NAV2: variants seen among roughly 807,000 people sequenced by gnomAD.
NAV2 encodes helicase, APC down-regulated 1.
In NAV2, 54 loss-of-function variants were observed where a neutral mutation model predicts 223.2. The ratio of observed to expected loss-of-function variants is 0.24; its 90% CI spans 0.19 to 0.30. The LOEUF (loss-of-function observed/expected upper bound fraction) is 0.30. Among genes scored for constraint, NAV2 ranks in the 10% least tolerant of loss-of-function variants. The pLI is 1.00. For synonymous variants in NAV2, 1,279 were observed against 1,239.3 expected, an observed-to-expected ratio of 1.03 and a Z score of -0.67; for missense variants, 2,806 against 3,147.5, an observed-to-expected ratio of 0.89 and a Z score of 2.60.
At chr11:19,884,771 T>A (rs1196785715) in intron 5 of NAV2, among the ~76,000 whole-genome samples, 1 of 122,800 alleles carries the variant, frequency 8.1e-6, no homozygotes, top group East Asian at 2.0e-4. Flanking sequence ...TTTATGTGTC[T>A]TGTGCTTTGT....
rs145272202 is a variant in NAV2, at chr11:20,114,759, G to A, written c.7128G>A (p.Lys2376=). Residue 2376 remains lysine, a synonymous_variant, in exon 37 of 38, where the codon AAG becomes AAA. Coordinates refer to ENST00000349880, the MANE Select transcript of NAV2 (RefSeq NM_145117.5). ...YSMPREGSTS[K]QMPPSDAEGD... Reference sequence around the variant, plus strand: ...TGCCTCGGGAGGGATCGACAAGCAAGCAGATGCCCCCCAGTGATGCTGAAG... The same window carrying A: ...TGCCTCGGGAGGGATCGACAAGCAAACAGATGCCCCCCAGTGATGCTGAAG... 4.3e-5 allele frequency: 69 copies of A among 1,613,980 alleles called. No individual in the cohort carries two copies. The Admixed American group carries it at 7.7e-4, about 18-fold the overall frequency.
In NAV2 at chr11:20,103,326, C is replaced by T. The variant is rs201115556; in HGVS notation, c.6489C>T (p.Leu2163=). Residue 2163 remains leucine (L), a synonymous_variant, in exon 33 of 38, where the codon CTC becomes CTT. Transcript: ENST00000349880. ...AGAACAATGCTGTGGACATGCCCCT[C>T]GTCATCATCCTGGACAACCTACACC... The part of the protein sequence containing the change: ...NSENNAVDMP[L]VIILDNLHHV... The T allele has an allele frequency of 1.3e-5, 21 of 1,614,074 alleles. No individual in the cohort carries two copies. The highest frequency in any genetic ancestry group is 1.7e-5 in the Admixed American group (1 of 60,010).
intron 26 of NAV2, among the ~76,000 whole-genome samples, chr11:20,085,033 A>C (rs2060336487): frequency 6.7e-6 from 1 of 149,708 alleles, no homozygotes; most frequent in Admixed American, 6.7e-5. Flanking sequence ...TACAAAAAAA[A>C]ATTTTTTTTA....
chr11:19,637,474 A>G (rs1254492094), intron 1 of NAV2, among the ~76,000 whole-genome samples: 3 of 152,236 alleles, frequency 2.0e-5, no homozygotes, highest in Non-Finnish European at 4.4e-5. Flanking sequence ...TGGGATCTGC[A>G]TCAGTCCATT....
chr11:19,655,982 A>G (rs2048113893), intron 1 of NAV2, among the ~76,000 whole-genome samples: 2 of 152,142 alleles, frequency 1.3e-5, no homozygotes, highest in African/African-American at 4.8e-5. Context: ...GAGAAGGAAG[A>G]TTGTCCAGCT....
chr11:19,430,914 G>C (rs568424374), intron 1 of NAV2, among the ~76,000 whole-genome samples: 1 of 152,352 alleles, frequency 6.6e-6, no homozygotes, highest in African/African-American at 2.4e-5. Flanking sequence ...AGTGCTGCAA[G>C]TGTGTCAAGC....
At chr11:19,801,427 T>A (rs1272206981) in intron 1 of NAV2, among the ~76,000 whole-genome samples, 1 of 152,226 alleles carries the variant, frequency 6.6e-6, no homozygotes, top group East Asian at 1.9e-4. Context: ...CAGCATTGCT[T>A]CAGATTGCTA....
intron 1 of NAV2, among the ~76,000 whole-genome samples, chr11:19,515,648 A>C (rs551281914): frequency 2.6e-5 from 4 of 152,358 alleles, no homozygotes; most frequent in African/African-American, 9.6e-5. Context: ...CCCAGAGTAC[A>C]AAAGCCTTGA....
chr11:19,844,423 T>C (rs797014027), intron 3 of NAV2, among the ~76,000 whole-genome samples: 13 of 152,342 alleles, frequency 8.5e-5, no homozygotes, highest in African/African-American at 3.1e-4. Context: ...GTTTTGCGTG[T>C]TGTTAGAGTC....
intron 5 of NAV2, among the ~76,000 whole-genome samples, chr11:19,892,057 C>T (rs1056932235): frequency 6.6e-6 from 1 of 152,180 alleles, no homozygotes. Flanking sequence ...CTCCCAGGTT[C>T]AACTGATTCT....
intron 7 of NAV2, 76 bp downstream of exon 7, chr11:19,934,353 G>C: frequency 6.8e-7 from 1 of 1,464,880 alleles, no homozygotes; most frequent in Middle Eastern, 1.8e-4. Context: ...GGGTCTGTAA[G>C]GGCAGAAGCT....
At position 20,048,731 on chromosome 11, in the gene NAV2, C is replaced by G. The variant is rs140548628; in HGVS notation, c.3906C>G (p.Leu1302=). The change falls in exon 15 of 38, where the codon CTC becomes CTG. Residue 1302 remains leucine, a synonymous_variant. Coordinates refer to ENST00000349880, the MANE Select transcript of NAV2 (RefSeq NM_145117.5). ...ACAACCCTTTGTCTCTTCACAGACT[C>G]TTTGGTGGGAAGCCTACCAAGCAAG... ...PDVASPTLRR[L]FGGKPTKQVP... 5 of 1,613,730 alleles carry G rather than the reference C, an allele frequency of 3.1e-6. No individual in the cohort carries two copies. The highest frequency in any genetic ancestry group is 4.5e-5 in the East Asian group (2 of 44,868).
Position 19,933,764 on chromosome 11 carries a change from G to C in NAV2, c.1520G>C (p.Arg507Thr). ...DKEKSKDLAKRASVTERLDLK... is the reference protein window; with the variant it reads ...DKEKSKDLAKTASVTERLDLK... ...GAGAAAAGCAAGGACCTTGCCAAGA[G>C]AGCCTCTGTGACGGAGAGGCTGGAC... The change falls in exon 7 of 38, where the codon AGA becomes ACA. Residue 507 changes from arginine (R) to threonine (T), a missense_variant. Transcript: ENST00000349880. This position sits in a 1 kb window ranked among gnomAD's most constrained non-coding sequence, Gnocchi z 4.3. 1 of 1,614,182 alleles carries C rather than the reference G, an allele frequency of 6.2e-7. No individual in the cohort carries two copies. The highest frequency in any genetic ancestry group is 8.5e-7 in the Non-Finnish European group (1 of 1,180,036).
intron 1 of NAV2, among the ~76,000 whole-genome samples, chr11:19,717,739 AC>A (rs1356137520): frequency 1.3e-5 from 2 of 152,162 alleles, no homozygotes; most frequent in African/African-American, 4.8e-5. Flanking sequence ...TCCGTTAAGG[AC>A]CTGATTCAGA....
chr11:19,459,039 G>A (rs1409745037), intron 1 of NAV2, among the ~76,000 whole-genome samples: 1 of 152,242 alleles, frequency 6.6e-6, no homozygotes, highest in Non-Finnish European at 1.5e-5. Flanking sequence ...GTGGGAAGGC[G>A]GGCTGGGGTC....
At chr11:19,973,318 A>G (rs1033508341) in intron 10 of NAV2, among the ~76,000 whole-genome samples, 1 of 152,196 alleles carries the variant, frequency 6.6e-6, no homozygotes, top group Non-Finnish European at 1.5e-5. Flanking sequence ...AAAGCCAACA[A>G]AAATTCTGCT....
chr11:19,575,617 C>T (rs764805566), intron 1 of NAV2, among the ~76,000 whole-genome samples: 2 of 152,206 alleles, frequency 1.3e-5, no homozygotes, highest in Admixed American at 6.5e-5. Context: ...CCTCAGACAC[C>T]CCTGGGGAAA....
At chr11:19,633,541 A>G (rs2047404584) in intron 1 of NAV2, among the ~76,000 whole-genome samples, 1 of 152,260 alleles carries the variant, frequency 6.6e-6, no homozygotes, top group African/African-American at 2.4e-5. Flanking sequence ...AACCTGACCC[A>G]ACAGCCCAGT....
At chr11:19,490,224 A>G (rs1466618940) in intron 1 of NAV2, among the ~76,000 whole-genome samples, 1 of 152,196 alleles carries the variant, frequency 6.6e-6, no homozygotes, top group Non-Finnish European at 1.5e-5. Flanking sequence ...GGTGGCAGTA[A>G]CTGAAAGTTG....
Sources: gnomAD v4.1 joint callset for allele counts (sites outside exome capture counted in the v4.1 genomes callset) on GRCh38, gnomAD v4.1.1 for gene constraint, Gnocchi (gnomAD v3.1) non-coding constraint, MANE v1.5 for transcripts, NCBI Gene and HGNC (gene_info 2026-07-23, HGNC 2026-07-21) for gene names.